GOPC: variants seen among roughly 807,000 people sequenced by gnomAD.
The protein encoded by GOPC is Golgi-associated PDZ and coiled-coil motif-containing protein.
Under a neutral mutation model 51.2 loss-of-function variants are expected in GOPC, and 32 were observed. The observed-to-expected ratio is 0.63, with a 90% CI of 0.47 to 0.84. The LOEUF (loss-of-function observed/expected upper bound fraction) is 0.84, where lower values mean the gene tolerates loss of function less well. Ranked by LOEUF, GOPC falls within the 40% of genes least tolerant of loss-of-function variation. The probability of loss-of-function intolerance (pLI) is 0.00; values close to 1 mark genes in which losing one functional copy is unlikely to be tolerated. For synonymous variants in GOPC, 190 were observed against 205.1 expected (o/e 0.93, Z 0.63); for missense variants, 441 against 555.5 (o/e 0.79, Z 2.07).
intron 1 of GOPC, among the ~76,000 whole-genome samples, chr6:117,593,730 TC>T (rs1353019661): frequency 6.6e-6 from 1 of 152,218 alleles, no homozygotes; most frequent in African/African-American, 2.4e-5. Flanking sequence ...TGGTAACTGA[TC>T]AATAAAGTTG....
chr6:117,570,785 C>T (rs1779793440), intron 6 of GOPC, 75 bp downstream of exon 6: 2 of 572,272 alleles, frequency 3.5e-6, no homozygotes, highest in African/African-American at 1.9e-5. Flanking sequence ...ATTCTGTTCC[C>T]CAGTGATGTC....
rs1281721832 is a variant in GOPC, at chr6:117,589,333, T to C, written c.286-10269A>G. Among the ~76,000 whole-genome samples the C allele has an allele frequency of 2.0e-5, 3 of 152,372 alleles. No individual in the cohort carries two copies. In the East Asian group the frequency reaches 5.8e-4, roughly 29 times the overall value. The stretch of plus-strand genomic sequence containing the variant: ...TTTCTTATTTTTTATTTATTTATTT[T>C]GTTGAGATGGAGTTTCACTCTTGTT... On this transcript the variant is annotated intron_variant, in intron 1 of 8. Transcript: ENST00000368498.
intron 1 of GOPC, among the ~76,000 whole-genome samples, chr6:117,597,654 A>G (rs1190240130): frequency 1.3e-5 from 2 of 152,204 alleles, no homozygotes; most frequent in Non-Finnish European, 2.9e-5. Flanking sequence ...TTCTCCTCAG[A>G]TATGACTCTT....
intron 3 of GOPC, among the ~76,000 whole-genome samples, chr6:117,576,590 C>G (rs1779883695): frequency 6.6e-6 from 1 of 152,044 alleles, no homozygotes; most frequent in Admixed American, 6.6e-5. Context: ...CTTTCAATTA[C>G]TTTAATGAGC....
Position 117,578,975 on chromosome 6 carries a change from C to G in GOPC, c.375G>C (p.Gln125His), listed in dbSNP as rs1311717058. ...GAAGCTGCAGCTGAATAGAGTGCAG[C>G]TGTAAAAGCTGATCATGTACTTCTT... The part of the protein sequence containing the change: ...LEKEVHDQLL[Q>H]LHSIQLQLHA... The change falls in exon 2 of 9, where the codon CAG becomes CAC. Residue 125 changes from glutamine (Q) to histidine (H), a missense_variant. Gln to His is a conservative substitution (Grantham distance 24, BLOSUM62 0). This residue lies in a region of GOPC where 204 missense variants were observed against 219.8 expected (regional missense o/e 0.93). Coordinates refer to ENST00000368498, the MANE Select transcript of GOPC (RefSeq NM_020399.4). 6.2e-7 allele frequency: 1 copy of G among 1,612,482 alleles called. No individual in the cohort carries two copies. The highest frequency in any genetic ancestry group is 8.5e-7 in the Non-Finnish European group (1 of 1,179,270).
At position 117,583,528 on chromosome 6, in the gene GOPC, C is replaced by T. The variant is rs188250937; in HGVS notation, c.286-4464G>A. 2.3e-3 allele frequency among the ~76,000 whole-genome samples: 352 copies of T among 152,256 alleles called. 1 individual carries two copies. Among genetic ancestry groups the T allele is most frequent in the Admixed American group, 3.8e-3 (58 of 15,290 alleles). On this transcript the variant is annotated intron_variant, in intron 1 of 8. Transcript: ENST00000368498. ...TGCAACTCCTGTCTCATTTTGTTTG[C>T]AATTTACTCAGTATAATTTTGTCTG... is the stretch of plus-strand genomic sequence containing the variant.
chr6:117,595,061 G>A (rs558289067), intron 1 of GOPC, among the ~76,000 whole-genome samples: 1 of 152,232 alleles, frequency 6.6e-6, no homozygotes, highest in East Asian at 1.9e-4. Flanking sequence ...AGATGCCTGG[G>A]GAGTGCTCTG....
At chr6:117,592,272 C>G (rs1172814475) in intron 1 of GOPC, among the ~76,000 whole-genome samples, 2 of 152,014 alleles carry the variant, frequency 1.3e-5, no homozygotes, top group Admixed American at 6.6e-5. Flanking sequence ...GAGGCTGAGG[C>G]AGGAGAATTG....
At chr6:117,580,796 T>A (rs1376846562) in intron 1 of GOPC, among the ~76,000 whole-genome samples, 1 of 152,156 alleles carries the variant, frequency 6.6e-6, no homozygotes, top group Non-Finnish European at 1.5e-5. Flanking sequence ...AGTAGCAACG[T>A]CCTATTTGTA....
At chr6:117,596,155 T>C (rs986903490) in intron 1 of GOPC, among the ~76,000 whole-genome samples, 4 of 152,196 alleles carry the variant, frequency 2.6e-5, no homozygotes, top group African/African-American at 9.6e-5. Flanking sequence ...ATTAGTGTTG[T>C]TGAGCATTTT....
At chr6:117,570,132 TACCTATCAC>T in intron 6 of GOPC, among the ~76,000 whole-genome samples, 1 of 152,140 alleles carries the variant, frequency 6.6e-6, no homozygotes, top group East Asian at 1.9e-4. Flanking sequence ...CAGTATTTGG[TACCTATCAC>T]TCTCTAGCTT....
intron 1 of GOPC, among the ~76,000 whole-genome samples, chr6:117,588,379 G>T (rs1179162233): frequency 6.6e-6 from 1 of 151,724 alleles, no homozygotes; most frequent in Non-Finnish European, 1.5e-5. Flanking sequence ...AGGTTCAAGA[G>T]ATTCTCCTGC....
At chr6:117,586,050 A>G (rs1780027972) in intron 1 of GOPC, among the ~76,000 whole-genome samples, 1 of 152,226 alleles carries the variant, frequency 6.6e-6, no homozygotes, top group African/African-American at 2.4e-5. Context: ...GTGTACAAAA[A>G]GTAATCACTT....
intron 1 of GOPC, among the ~76,000 whole-genome samples, chr6:117,593,199 T>C (rs1218380833): frequency 6.6e-6 from 1 of 152,124 alleles, no homozygotes; most frequent in Non-Finnish European, 1.5e-5. Flanking sequence ...ACTAGCCTCA[T>C]GCTCTTACTC....
rs1779571463 is a variant in GOPC at position 117,560,851 on chromosome 6, A to G, written c.*2403T>C. On this transcript the variant is annotated 3_prime_UTR_variant, in exon 9 of 9. Transcript: ENST00000368498. ...CTCCTTCTGTCCCCTTCTCGATGAA[A>G]TGGCTTTGCAACAGTTCCCTCCTTA... 1 of 214,686 alleles carries G rather than the reference A, an allele frequency of 4.7e-6. No individual in the cohort carries two copies. Among genetic ancestry groups the G allele is most frequent in the Non-Finnish European group, 9.4e-6 (1 of 106,458 alleles). The allele number at this position is 214,686 out of a possible 1,614,324, so 13.3% of individuals were successfully genotyped here. A position where few individuals can be genotyped will look rare whatever the true frequency, so the allele number is the denominator to read the frequency against.
intron 5 of GOPC, among the ~76,000 whole-genome samples, chr6:117,571,759 C>T (rs78546814): frequency 0.019 from 2,942 of 152,132 alleles, 79 homozygotes; most frequent in African/African-American, 0.067. Flanking sequence ...TTGTTACACA[C>T]AATTAACACT....
rs1780072016 is a variant in GOPC, at chr6:117,588,856, G to T, written c.286-9792C>A. On this transcript the variant is annotated intron_variant, in intron 1 of 8. Coordinates refer to ENST00000368498, the MANE Select transcript of GOPC (RefSeq NM_020399.4). Reference sequence around the variant, plus strand: ...GAGCTCTTTGGGGTTCTCAAAATTTGTAAGAATGCAAAGGACTCCAGAAAC... The same window carrying T: ...GAGCTCTTTGGGGTTCTCAAAATTTTTAAGAATGCAAAGGACTCCAGAAAC... Among the ~76,000 whole-genome samples the T allele has an allele frequency of 2.7e-5, 4 of 149,762 alleles. No individual in the cohort carries two copies. The South Asian group carries it at 6.3e-4, about 24-fold the overall frequency.
Position 117,562,624 on chromosome 6 carries a change from T to C in GOPC, c.*630A>G, listed in dbSNP as rs1392514029. 4.9e-6 allele frequency: 1 copy of C among 203,150 alleles called. No individual in the cohort carries two copies. Among genetic ancestry groups the C allele is most frequent in the African/African-American group, 2.3e-5 (1 of 43,684 alleles). The allele number at this position is 203,150 out of a possible 1,614,324, so 12.6% of individuals were successfully genotyped here. A position where few individuals can be genotyped will look rare whatever the true frequency, so the allele number is the denominator to read the frequency against. On this transcript the variant is annotated 3_prime_UTR_variant, in exon 9 of 9. Transcript: ENST00000368498. Reference sequence around the variant, plus strand: ...GAATCTATTTCTAGTGCAGCATTGATTGATAAAAGACTGCTTAAAGAAAAC... The same window carrying C: ...GAATCTATTTCTAGTGCAGCATTGACTGATAAAAGACTGCTTAAAGAAAAC...
chr6:117,584,190 T>C (rs1779998498), intron 1 of GOPC, among the ~76,000 whole-genome samples: 1 of 152,214 alleles, frequency 6.6e-6, no homozygotes. Context: ...CAGAAACTTC[T>C]GTGACCAAAT....
Sources: gnomAD v4.1 joint callset for allele counts (sites outside exome capture counted in the v4.1 genomes callset) on GRCh38, gnomAD v4.1.1 for gene constraint, gnomAD v4.1.1 regional missense constraint, MANE v1.5 for transcripts, NCBI Gene and HGNC (gene_info 2026-07-23, HGNC 2026-07-21) for gene names.